The following SLC24A2 variants were observed in gnomAD, a reference collection of about 807,000 sequenced individuals.
SLC24A2 encodes sodium/potassium/calcium exchanger 2.
In SLC24A2, 36 loss-of-function variants were observed where a neutral mutation model predicts 62.0. That is an observed-to-expected ratio of 0.58 (90% CI 0.44 to 0.77). The LOEUF is 0.77. Among genes scored for constraint, SLC24A2 ranks in the 30% least tolerant of loss-of-function variants. The probability of loss-of-function intolerance (pLI) is 0.00; values close to 1 mark genes in which losing one functional copy is unlikely to be tolerated. For synonymous variants in SLC24A2, 358 were observed against 294.0 expected (o/e 1.22, Z -2.23); for missense variants, 846 against 817.9 (o/e 1.03, Z -0.42).
At chr9:20,004,413 G>T in the SLC24A2 span, among the ~76,000 whole-genome samples, 7 of 152,192 alleles carry the variant, frequency 4.6e-5, no homozygotes, top group African/African-American at 1.7e-4. Context: ...TGGGGAAAGA[G>T]AAGTGACATT....
At position 19,531,914 on chromosome 9, in the gene SLC24A2, C is replaced by T. The variant is rs114442019; in HGVS notation, c.1480-3776G>A. 4.2e-3 allele frequency among the ~76,000 whole-genome samples: 647 copies of T among 152,238 alleles called. 4 individuals are homozygous for T. The highest frequency in any genetic ancestry group is 0.015 in the African/African-American group (608 of 41,526). On this transcript the variant is annotated intron_variant, in intron 8 of 10. Coordinates refer to ENST00000341998, the MANE Select transcript of SLC24A2 (RefSeq NM_020344.4). Reference sequence around the variant, plus strand: ...AAAATGTCTAGCAAAGTACCTCGCACATAAGTGCTCAGATAATTATATTTG... The same window carrying T: ...AAAATGTCTAGCAAAGTACCTCGCATATAAGTGCTCAGATAATTATATTTG...
chr9:20,188,381 G>C, the SLC24A2 span, among the ~76,000 whole-genome samples: 1 of 152,128 alleles, frequency 6.6e-6, no homozygotes, highest in Non-Finnish European at 1.5e-5. Flanking sequence ...GCACCCATTA[G>C]GAACTCCAAG....
At chr9:19,663,469 C>A (rs1365208178) in intron 2 of SLC24A2, among the ~76,000 whole-genome samples, 1 of 152,156 alleles carries the variant, frequency 6.6e-6, no homozygotes, top group Admixed American at 6.5e-5. Context: ...TGCCCCCTTC[C>A]GCAATCTGTC....
At chr9:19,825,055 A>G in the SLC24A2 span, among the ~76,000 whole-genome samples, 1 of 152,084 alleles carries the variant, frequency 6.6e-6, no homozygotes, top group African/African-American at 2.4e-5. Flanking sequence ...CATTAGGACA[A>G]ATACCTAATG....
chr9:19,764,908 A>C (rs924788808), intron 2 of SLC24A2, among the ~76,000 whole-genome samples: 1 of 152,168 alleles, frequency 6.6e-6, no homozygotes, highest in Admixed American at 6.6e-5. Flanking sequence ...AAAGTCTCCC[A>C]CTATTACTGT....
intron 2 of SLC24A2, among the ~76,000 whole-genome samples, chr9:19,777,823 T>G (rs889155682): frequency 1.3e-5 from 2 of 152,190 alleles, no homozygotes; most frequent in Non-Finnish European, 2.9e-5. Flanking sequence ...GAATATAAAC[T>G]GTTCAAAATT....
chr9:19,624,681 T>A (rs534298011), intron 2 of SLC24A2, among the ~76,000 whole-genome samples: 1 of 152,336 alleles, frequency 6.6e-6, no homozygotes, highest in South Asian at 2.1e-4. Flanking sequence ...TCTGCAGACA[T>A]GAATATACAT....
chr9:19,883,780 T>C, the SLC24A2 span, among the ~76,000 whole-genome samples: 2 of 152,170 alleles, frequency 1.3e-5, no homozygotes, highest in East Asian at 1.9e-4. Flanking sequence ...TTAGCCAGGA[T>C]GGTCTTGATC....
At chr9:19,640,461 G>A (rs1447395673) in intron 2 of SLC24A2, among the ~76,000 whole-genome samples, 2 of 152,148 alleles carry the variant, frequency 1.3e-5, no homozygotes, top group Non-Finnish European at 1.5e-5. Context: ...GACCACAAAA[G>A]CTACACAAGT....
At chr9:19,518,996 G>T (rs1298422264) in intron 10 of SLC24A2, among the ~76,000 whole-genome samples, 1 of 152,028 alleles carries the variant, frequency 6.6e-6, no homozygotes, top group East Asian at 1.9e-4. Context: ...TAAAAGAGGA[G>T]GTTTTTCTGC....
At chr9:20,159,818 T>G in the SLC24A2 span, among the ~76,000 whole-genome samples, 1 of 151,586 alleles carries the variant, frequency 6.6e-6, no homozygotes, top group Non-Finnish European at 1.5e-5. Flanking sequence ...TTTGGTATTT[T>G]GTATTTGATA....
chr9:20,113,993 C>A, the SLC24A2 span, among the ~76,000 whole-genome samples: 2 of 152,138 alleles, frequency 1.3e-5, no homozygotes, highest in Non-Finnish European at 2.9e-5. Flanking sequence ...CCACTTTTTG[C>A]CTGGAAAGTG....
intron 2 of SLC24A2, among the ~76,000 whole-genome samples, chr9:19,726,518 G>T (rs1821175933): frequency 6.6e-6 from 1 of 152,292 alleles, no homozygotes; most frequent in African/African-American, 2.4e-5. Flanking sequence ...AACAGGAAAA[G>T]GAACAGAAGA....
At chr9:20,155,277 C>A in the SLC24A2 span, among the ~76,000 whole-genome samples, 1 of 151,742 alleles carries the variant, frequency 6.6e-6, no homozygotes, top group South Asian at 2.1e-4. Context: ...AATAAAAGTA[C>A]CTGTATTCCT....
At chr9:19,552,139 C>T (rs1834876004) in intron 7 of SLC24A2, among the ~76,000 whole-genome samples, 1 of 152,146 alleles carries the variant, frequency 6.6e-6, no homozygotes, top group African/African-American at 2.4e-5. Context: ...CATATTATTC[C>T]ATCCATTGCT....
At chr9:19,850,955 AT>A in the SLC24A2 span, among the ~76,000 whole-genome samples, 1 of 25,476 alleles carries the variant, frequency 3.9e-5, no homozygotes, top group African/African-American at 1.1e-4. Context: ...ACATATATAT[AT>A]ATATATATAT....
the SLC24A2 span, among the ~76,000 whole-genome samples, chr9:20,042,277 A>G: frequency 6.6e-6 from 1 of 152,280 alleles, no homozygotes; most frequent in Admixed American, 6.5e-5. Flanking sequence ...GAAAAGAACA[A>G]CTTCACTTAA....
At chr9:19,799,967 T>G in the SLC24A2 span, among the ~76,000 whole-genome samples, 2 of 152,134 alleles carry the variant, frequency 1.3e-5, no homozygotes, top group Non-Finnish European at 2.9e-5. Flanking sequence ...AATCCTTCAT[T>G]GTCTCTTTCT....
chr9:19,653,301 C>T (rs1230847505), intron 2 of SLC24A2, among the ~76,000 whole-genome samples: 1 of 152,198 alleles, frequency 6.6e-6, no homozygotes, highest in South Asian at 2.1e-4. Context: ...CACTTAATCA[C>T]GTGCAATCAT....
Sources: allele counts gnomAD v4.1 joint callset (sites outside exome capture counted in the v4.1 genomes callset), GRCh38; gene constraint gnomAD v4.1.1; transcripts MANE v1.5; gene names NCBI Gene and HGNC (gene_info 2026-07-23, HGNC 2026-07-21).